Variants in ACSBG2 observed in about 807,000 individuals in gnomAD.
ACSBG2 encodes the protein long-chain-fatty-acid--CoA ligase ACSBG2.
A neutral mutation model predicts 74.7 loss-of-function variants in ACSBG2; 62 were observed. That is an observed-to-expected ratio of 0.83 (90% CI 0.68 to 1.03). ACSBG2 has a LOEUF of 1.03. Among genes scored for constraint, ACSBG2 ranks in the 50% least tolerant of loss-of-function variants. ACSBG2 has a pLI of 0.00. For synonymous variants in ACSBG2, 309 were observed against 294.1 expected (o/e 1.05, Z -0.52); for missense variants, 730 against 817.6 (o/e 0.89, Z 1.31).
rs765103941 is a variant in ACSBG2 at position 6,147,467 on chromosome 19, C to T, written c.89C>T (p.Thr30Ile). Residue 30 changes from threonine to isoleucine, a missense_variant, in exon 3 of 15, where the codon ACC becomes ATC. By Grantham distance (89) the Thr-to-Ile change is moderately conservative (BLOSUM62 -1). Coordinates refer to ENST00000588485, the MANE Select transcript of ACSBG2 (RefSeq NM_030924.5). ...GCAGTTACTCCCAGGCTGTGGACCA[C>T]CTGTCGAGATGGAGAAGTCCTTCTG... ...KTEVTPRLWTTCRDGEVLLRL... is the reference protein window; with the variant it reads ...KTEVTPRLWTICRDGEVLLRL... 6 of 1,614,060 alleles carry T rather than the reference C, an allele frequency of 3.7e-6. No homozygotes were observed. Among genetic ancestry groups the T allele is most frequent in the Non-Finnish European group, 2.5e-6 (3 of 1,180,028 alleles).
Position 6,141,821 on chromosome 19 carries a change from C to G in ACSBG2, c.67+211C>G, listed in dbSNP as rs569949727. 7.0e-4 allele frequency among the ~76,000 whole-genome samples: 106 copies of G among 151,896 alleles called. 1 individual carries two copies. Among genetic ancestry groups the G allele is most frequent in the African/African-American group, 2.4e-3 (101 of 41,430 alleles). On this transcript the variant is annotated intron_variant, in intron 2 of 14. Coordinates refer to ENST00000588485, the MANE Select transcript of ACSBG2 (RefSeq NM_030924.5). The stretch of plus-strand genomic sequence containing the variant: ...CAGTCATAGCTCACTGCAGCCTTGA[C>G]CTTCCAGGCTCAAGTGATCCTCCTG...
rs879270684 is a variant in ACSBG2, at chr19:6,189,715, CT to C, written c.1928-857del. The C allele has an allele frequency of 2.1e-3, 296 of 138,096 alleles. 2 individuals are homozygous for C. The highest frequency in any genetic ancestry group is 8.2e-3 in the East Asian group (41 of 4,998). The allele number at this position is 138,096 out of a possible 1,614,324, so 8.6% of individuals were successfully genotyped here. Reference sequence around the variant, plus strand: ...GGCTATTTTCTTTCTTTCTTTCTTTCTTTTTTTTTTTTGAGACGGAGTTTTA... The same window carrying C: ...GGCTATTTTCTTTCTTTCTTTCTTTCTTTTTTTTTTTGAGACGGAGTTTTA... On this transcript the variant is annotated intron_variant, in intron 13 of 14. Coordinates refer to ENST00000588485, the MANE Select transcript of ACSBG2 (RefSeq NM_030924.5).
chr19:6,182,983 C>T lies in ACSBG2; in HGVS notation c.1088+51C>T, dbSNP rs551610771. The stretch of plus-strand genomic sequence containing the variant: ...GAGGGTAGTTGGTGAGGAGGCTCAG[C>T]CTTCTCCAGTGGGTCCCATCAGCCC... On this transcript the variant is annotated intron_variant, in intron 9 of 14. Transcript: ENST00000588485. 2.5e-6 allele frequency: 4 copies of T among 1,612,590 alleles called. No homozygotes were observed. In the African/African-American group the frequency reaches 4.0e-5, roughly 16 times the overall value.
intron 10 of ACSBG2, 49 bp downstream of exon 10, chr19:6,183,321 A>G (rs2145243442): frequency 6.5e-7 from 1 of 1,544,582 alleles, no homozygotes; most frequent in Non-Finnish European, 8.9e-7. Flanking sequence ...CATGGGGTCA[A>G]GAGGGGGAAG....
chr19:6,177,647 C>G (rs886404553), intron 8 of ACSBG2, among the ~76,000 whole-genome samples: 3 of 152,190 alleles, frequency 2.0e-5, no homozygotes, highest in East Asian at 3.9e-4. Flanking sequence ...TGAGACCAGC[C>G]TGAGCAAGAT....
At chr19:6,177,158 A>G (rs542177492) in intron 7 of ACSBG2, 71 bp from the exon 8 acceptor site, 44 of 1,536,186 alleles carry the variant, frequency 2.9e-5, no homozygotes, top group Non-Finnish European at 3.9e-5. Context: ...TCTGAAAAAT[A>G]AATAAAAATT....
At chr19:6,160,680 TC>T in intron 5 of ACSBG2, 1 of 152,116 alleles carries the variant, frequency 6.6e-6, no homozygotes, top group Non-Finnish European at 1.5e-5. Context: ...CAGACTATTG[TC>T]ATCCTCTACC....
At position 6,177,359 on chromosome 19, in the gene ACSBG2, G is replaced by A; in HGVS notation, c.869G>A (p.Gly290Glu). The change falls in exon 8 of 15, where the codon GGG becomes GAG. Residue 290 changes from glycine (G) to glutamate (E), a missense_variant. Transcript: ENST00000588485. ...GACATCTGGGTACCCATAAAGATTG[G>A]GGCGCTCACATACTTTGCTCAAGCA... ...MMDIWVPIKI[G>E]ALTYFAQADA... The A allele has an allele frequency of 1.2e-6, 2 of 1,609,988 alleles. No individual in the cohort carries two copies. The highest frequency in any genetic ancestry group is 1.7e-6 in the Non-Finnish European group (2 of 1,178,384).
In ACSBG2 at chr19:6,167,952, C is replaced by T. The variant is rs572549337; in HGVS notation, c.738+1937C>T. On this transcript the variant is annotated intron_variant, in intron 7 of 14. Coordinates refer to ENST00000588485, the MANE Select transcript of ACSBG2 (RefSeq NM_030924.5). ...GTTGCTTCCACCCCATCCGGTTACC[C>T]GCCTCCCACCCAACTCCCACCCTCA... 3.3e-5 allele frequency among the ~76,000 whole-genome samples: 5 copies of T among 150,946 alleles called. No individual in the cohort carries two copies. In the South Asian group the frequency reaches 6.3e-4, roughly 19 times the overall value.
intron 13 of ACSBG2, among the ~76,000 whole-genome samples, chr19:6,189,431 T>C (rs1172755531): frequency 1.3e-5 from 2 of 152,190 alleles, no homozygotes; most frequent in Non-Finnish European, 2.9e-5. Flanking sequence ...TCTGACGGTG[T>C]GGATGGAAGA....
chr19:6,162,625 G>A (rs543946778), intron 6 of ACSBG2, among the ~76,000 whole-genome samples: 8 of 148,904 alleles, frequency 5.4e-5, no homozygotes, highest in Non-Finnish European at 1.0e-4. Context: ...GACCACTACA[G>A]CAACAGTCTT....
intron 2 of ACSBG2, 87 bp downstream of exon 2, chr19:6,141,697 A>G (rs1449621644): frequency 5.4e-6 from 5 of 925,756 alleles, no homozygotes; most frequent in South Asian, 2.8e-5. Context: ...ATCTAGAAAG[A>G]TGTAGCCATT....
intron 7 of ACSBG2, among the ~76,000 whole-genome samples, chr19:6,167,609 G>C (rs1018832790): frequency 6.6e-6 from 1 of 152,064 alleles, no homozygotes; most frequent in Non-Finnish European, 1.5e-5. Flanking sequence ...CTGCATCTTA[G>C]CTCAAGGCCT....
chr19:6,165,837 C>T, intron 6 of ACSBG2, 29 bp from the exon 7 acceptor site: 1 of 1,612,766 alleles, frequency 6.2e-7, no homozygotes, highest in Non-Finnish European at 8.5e-7. Context: ...ACTGCCTTCT[C>T]ATCCTCCGCT....
Position 6,185,582 on chromosome 19 carries a change from G to A in ACSBG2, c.1469G>A (p.Gly490Asp), listed in dbSNP as rs745317349. 3 of 1,614,196 alleles carry A rather than the reference G, an allele frequency of 1.9e-6. No individual in the cohort carries two copies. Among genetic ancestry groups the A allele is most frequent in the Non-Finnish European group, 8.5e-7 (1 of 1,180,030 alleles). ...ACTACAGAGGCCATCGATGATGAAG[G>A]CTGGCTACACTCTGGGGATCTGGGC... The part of the protein sequence containing the change: ...TETTEAIDDE[G>D]WLHSGDLGQL... Residue 490 changes from glycine (G) to aspartate (D), a missense_variant, in exon 11 of 15, where the codon GGC becomes GAC. Coordinates refer to ENST00000588485, the MANE Select transcript of ACSBG2 (RefSeq NM_030924.5).
At chr19:6,143,065 C>T (rs565812339) in intron 2 of ACSBG2, among the ~76,000 whole-genome samples, 10 of 150,336 alleles carry the variant, frequency 6.7e-5, no homozygotes, top group African/African-American at 2.4e-4. Context: ...CTTAAAACTA[C>T]AAAAATTAGC....
chr19:6,182,634 C>T (rs917470080), intron 8 of ACSBG2, 117 bp from the exon 9 acceptor site: 39 of 1,007,042 alleles, frequency 3.9e-5, no homozygotes, highest in Middle Eastern at 2.9e-4. Context: ...GGGAGTCCTG[C>T]GTAATCTGAT....
At chr19:6,192,361 G>A (rs965974014) in intron 14 of ACSBG2, among the ~76,000 whole-genome samples, 5 of 152,248 alleles carry the variant, frequency 3.3e-5, no homozygotes, top group South Asian at 2.1e-4. Context: ...GGCCTCAAGC[G>A]ATCCTCCTGC....
intron 7 of ACSBG2, chr19:6,176,210 A>G: frequency 3.9e-6 from 4 of 1,019,500 alleles, no homozygotes; most frequent in Non-Finnish European, 5.3e-6. Flanking sequence ...ATGATTAACA[A>G]CCATCTACTC....
Sources: allele counts gnomAD v4.1 joint callset (sites outside exome capture counted in the v4.1 genomes callset), GRCh38; gene constraint gnomAD v4.1.1; transcripts MANE v1.5; gene names NCBI Gene and HGNC (gene_info 2026-07-23, HGNC 2026-07-21).